Variants in CYP2A7 observed in about 807,000 individuals in gnomAD.
The protein encoded by CYP2A7 is cytochrome P450 2A7.
Under a neutral mutation model 42.0 loss-of-function variants are expected in CYP2A7, and 36 were observed. That is an observed-to-expected ratio of 0.86 (90% CI 0.66 to 1.13). The LOEUF (loss-of-function observed/expected upper bound fraction) is 1.13. CYP2A7 is among the 50% of genes most tolerant of loss of function. The probability of loss-of-function intolerance (pLI) is 0.00; values close to 1 mark genes in which losing one functional copy is unlikely to be tolerated. For missense variants in CYP2A7, 661 were observed against 634.1 expected, an observed-to-expected ratio of 1.04 and a Z score of -0.46; for synonymous variants, 260 against 249.5, an observed-to-expected ratio of 1.04 and a Z score of -0.40.
chr19:40,877,509 A>C (rs1967564407), intron 6 of CYP2A7, 132 bp from the exon 7 acceptor site: 2 of 1,369,458 alleles, frequency 1.5e-6, no homozygotes, highest in South Asian at 1.4e-5. Flanking sequence ...ATAACAGAAC[A>C]GACATCGGCC....
chr19:40,877,374 T>TCA lies in CYP2A7; in HGVS notation c.976_977insTG (p.Lys326MetfsTer10), dbSNP rs1967560064. The TCA allele has an allele frequency of 6.2e-7, 1 of 1,611,244 alleles. No individual in the cohort carries two copies. The highest frequency in any genetic ancestry group is 1.3e-5 in the African/African-American group (1 of 74,764). Reference sequence around the variant, plus strand: ...CACTCTGTCAATCTCCTCATGGACCTTGGCTGGGGGAGGAGGGGGAATGTG... The same window carrying TCA: ...CACTCTGTCAATCTCCTCATGGACCTCATGGCTGGGGGAGGAGGGGGAATGTG... On this transcript the variant is annotated frameshift_variant, in exon 7 of 9. Coordinates refer to ENST00000301146, the MANE Select transcript of CYP2A7 (RefSeq NM_000764.3). LOFTEE classifies it high-confidence loss of function.
Position 40,876,651 on chromosome 19 carries a change from A to G in CYP2A7, c.1179T>C (p.Pro393=), listed in dbSNP as rs191287227. ...FFLPKGTEVF[P]MLGSVLRDPS... The stretch of plus-strand genomic sequence containing the variant: ...GGTCTCTCAGCACGGAGCCCAGCAT[A>G]GGGAACACTTCGGTGCCCTGGTAGG... Residue 393 remains proline, a synonymous_variant, in exon 8 of 9, where the codon CCT becomes CCC. Coordinates refer to ENST00000301146, the MANE Select transcript of CYP2A7 (RefSeq NM_000764.3). 4.3e-6 allele frequency: 7 copies of G among 1,612,650 alleles called. No individual in the cohort carries two copies. The highest frequency in any genetic ancestry group is 1.3e-5 in the African/African-American group (1 of 74,994).
Position 40,875,612 on chromosome 19 carries a change from A to G in CYP2A7, c.*81T>C, listed in dbSNP as rs1060092. 5 of 1,598,136 alleles carry G rather than the reference A, an allele frequency of 3.1e-6. No homozygotes were observed. The highest frequency in any genetic ancestry group is 4.3e-6 in the Non-Finnish European group (5 of 1,170,474). On this transcript the variant is annotated 3_prime_UTR_variant, in exon 9 of 9. Transcript: ENST00000301146. Reference sequence around the variant, plus strand: ...TCCCGCATCTTCCCCCCATTCTTATACCCGCCTCTTCCGCGAACCCCGCCC... The same window carrying G: ...TCCCGCATCTTCCCCCCATTCTTATGCCCGCCTCTTCCGCGAACCCCGCCC...
At chr19:40,877,477 A>G in intron 6 of CYP2A7, 100 bp from the exon 7 acceptor site, 3 of 1,505,456 alleles carry the variant, frequency 2.0e-6, no homozygotes, top group Non-Finnish European at 2.7e-6. Context: ...GGCTCCCCCT[A>G]TGAGACGGAG....
chr19:40,879,709 C>G (rs984669057), intron 4 of CYP2A7, among the ~76,000 whole-genome samples: 1 of 151,412 alleles, frequency 6.6e-6, no homozygotes, highest in Non-Finnish European at 1.5e-5. Flanking sequence ...TTTTGCAGCA[C>G]CAGGTGTTCA....
rs199667803 is a variant in CYP2A7 at position 40,880,615 on chromosome 19, G to T, written c.357C>A (p.Ser119Arg). Residue 119 changes from serine to arginine, a missense_variant, in exon 3 of 9, where the codon AGC (serine) becomes AGA (arginine). Coordinates refer to ENST00000301146, the MANE Select transcript of CYP2A7 (RefSeq NM_000764.3). ...GGAGCTGCTTGGCGCGCTCCCCGTTGCTGAACGCCACGCCTGGGGAGGTCA... is the reference window on the plus strand; with the variant it reads ...GGAGCTGCTTGGCGCGCTCCCCGTTTCTGAACGCCACGCCTGGGGAGGTCA... ...WVFKGYGVAFSNGERAKQLLR... is the reference protein window; with the variant it reads ...WVFKGYGVAFRNGERAKQLLR... 166 of 1,508,438 alleles carry T rather than the reference G, an allele frequency of 1.1e-4. 19 individuals are homozygous for T. The highest frequency in any genetic ancestry group is 1.4e-4 in the Non-Finnish European group (154 of 1,095,510). The allele number at this position is 1,508,438 out of a possible 1,614,324, so 93.4% of individuals were successfully genotyped here. A position where few individuals can be genotyped will look rare whatever the true frequency, so the allele number is the denominator to read the frequency against.
rs1967656778 is a variant in CYP2A7 at position 40,880,811 on chromosome 19, G to GAGAGAGAGAGAA, written c.344-184_344-183insTTCTCTCTCTCT. ...GAGAAACACGAGGGAGAGAGAGAGA[G>GAGAGAGAGAGAA]AGAGAGAGAGAGAGAGAGAGAGAGA... On this transcript the variant is annotated intron_variant, in intron 2 of 8. Coordinates refer to ENST00000301146, the MANE Select transcript of CYP2A7 (RefSeq NM_000764.3). 5.4e-4 allele frequency among the ~76,000 whole-genome samples: 7 copies of GAGAGAGAGAGAA among 13,004 alleles called. 2 individuals are homozygous for GAGAGAGAGAGAA. The highest frequency in any genetic ancestry group is 1.4e-3 in the African/African-American group (7 of 5,062). 8.5% of individuals were successfully genotyped at this position (13,004 alleles called of 152,430 possible). A position where few individuals can be genotyped will look rare whatever the true frequency, so the allele number is the denominator to read the frequency against.
chr19:40,879,203 A>T (rs1015990605), intron 4 of CYP2A7, among the ~76,000 whole-genome samples: 1 of 151,732 alleles, frequency 6.6e-6, no homozygotes, highest in African/African-American at 2.4e-5. Context: ...ATTGGAGCAC[A>T]CATCTAGGTG....
intron 1 of CYP2A7, 69 bp from the exon 2 acceptor site, chr19:40,881,820 G>A (rs186000098): frequency 1.3e-4 from 213 of 1,588,012 alleles, no homozygotes; most frequent in Middle Eastern, 1.3e-3. Context: ...GCACCGAGAT[G>A]TCAAGTACTG....
chr19:40,877,237 G>T lies in CYP2A7; in HGVS notation c.1114C>A (p.Arg372Ser). 6.2e-7 allele frequency: 1 copy of T among 1,612,702 alleles called. No homozygotes were observed. Among genetic ancestry groups the T allele is most frequent in the Non-Finnish European group, 8.5e-7 (1 of 1,179,148 alleles). The change falls in exon 7 of 9, where the codon CGC (arginine) becomes AGC (serine). Residue 372 changes from arginine (R) to serine (S), a missense_variant. Physicochemically the swap from Arg to Ser is moderately radical, Grantham distance 110. Coordinates refer to ENST00000301146, the MANE Select transcript of CYP2A7 (RefSeq NM_000764.3). ...FGDVIPMSLA[R>S]RVKKDTKFRD... ...AACTTGGTGTCCTTTTTAACCCTGC[G>T]GGCCAAACTCATGGGGATCACGTCT...
In CYP2A7 at chr19:40,880,485, T is replaced by G. The variant is rs774265345; in HGVS notation, c.487A>C (p.Thr163Pro). 5 of 1,612,562 alleles carry G rather than the reference T, an allele frequency of 3.1e-6. No homozygotes were observed. In the Admixed American group the frequency reaches 8.4e-5, roughly 27 times the overall value. ...CTCGGGGAACCTTACTCACCGTGCGTGCTCCGGATGGCCTCGATGAGGAAG... is the reference window on the plus strand; with the variant it reads ...CTCGGGGAACCTTACTCACCGTGCGGGCTCCGGATGGCCTCGATGAGGAAG... Reference protein sequence around the residue: ...SGFLIEAIRSTHGANIDPTFF... With the variant: ...SGFLIEAIRSPHGANIDPTFF... Residue 163 changes from threonine to proline, a missense_variant, in exon 3 of 9, where the codon ACG becomes CCG. By Grantham distance (38) the Thr-to-Pro change is conservative. Transcript: ENST00000301146.
At chr19:40,881,502 G>C in intron 2 of CYP2A7, 87 bp downstream of exon 2, 1 of 1,588,084 alleles carries the variant, frequency 6.3e-7, no homozygotes, top group Non-Finnish European at 8.6e-7. Flanking sequence ...ATAGCCTCCA[G>C]TGGGCAGGAG....
intron 8 of CYP2A7, among the ~76,000 whole-genome samples, chr19:40,876,114 T>C (rs955980369): frequency 6.6e-6 from 1 of 151,858 alleles, no homozygotes; most frequent in African/African-American, 2.4e-5. Flanking sequence ...CACTAGGGTT[T>C]ACTCTGTGTT....
rs1312380407 is a variant in CYP2A7, at chr19:40,880,817, G to GAGAA, written c.344-190_344-189insTTCT. 1.1e-3 allele frequency among the ~76,000 whole-genome samples: 51 copies of GAGAA among 47,450 alleles called. 6 individuals carry two copies. The highest frequency in any genetic ancestry group is 3.4e-3 in the African/African-American group (45 of 13,208). The allele number at this position is 47,450 out of a possible 152,430, so 31.1% of individuals were successfully genotyped here. A position where few individuals can be genotyped will look rare whatever the true frequency, so the allele number is the denominator to read the frequency against. On this transcript the variant is annotated intron_variant, in intron 2 of 8. Coordinates refer to ENST00000301146, the MANE Select transcript of CYP2A7 (RefSeq NM_000764.3). ...CACGAGGGAGAGAGAGAGAGAGAGAGAGAGAGAGAGAGAGAGAGAGAGAGA... is the reference window on the plus strand; with the variant it reads ...CACGAGGGAGAGAGAGAGAGAGAGAGAGAAAGAGAGAGAGAGAGAGAGAGAGAGA...
In CYP2A7 at chr19:40,881,411, G is replaced by A. The variant is rs546644039; in HGVS notation, c.343+178C>T. On this transcript the variant is annotated intron_variant, in intron 2 of 8. Transcript: ENST00000301146. ...GGCAGGGAGGAATCACGACAGGGAC[G>A]CTGGAGACAGGTGAGGGATACACAT... Among the ~76,000 whole-genome samples, 30 of 151,692 alleles carry A rather than the reference G, an allele frequency of 2.0e-4. No individual in the cohort carries two copies. In the East Asian group the frequency reaches 4.8e-3, roughly 24 times the overall value.
chr19:40,877,847 C>G lies in CYP2A7; in HGVS notation c.973+5G>C, dbSNP rs544132996. 1 of 1,602,622 alleles carries G rather than the reference C, an allele frequency of 6.2e-7. No individual in the cohort carries two copies. Among genetic ancestry groups the G allele is most frequent in the South Asian group, 1.1e-5 (1 of 90,336 alleles). Reference sequence around the variant, plus strand: ...CCCTCCACTTCCGTCCCCCTCCAGCCTTACCCTCCACCTCTGGGTGCTTCA... The same window carrying G: ...CCCTCCACTTCCGTCCCCCTCCAGCGTTACCCTCCACCTCTGGGTGCTTCA... On this transcript the variant is annotated splice_donor_5th_base_variant and intron_variant, in intron 6 of 8. Coordinates refer to ENST00000301146, the MANE Select transcript of CYP2A7 (RefSeq NM_000764.3).
intron 8 of CYP2A7, 183 bp downstream of exon 8, chr19:40,876,344 T>C: frequency 1.0e-6 from 1 of 987,090 alleles, no homozygotes; most frequent in Non-Finnish European, 1.5e-6. Flanking sequence ...CCTTTCCTTT[T>C]ACCTGGGTGC....
Position 40,876,352 on chromosome 19 carries a change from T to C in CYP2A7, c.1303+175A>G, listed in dbSNP as rs184733361. On this transcript the variant is annotated intron_variant, in intron 8 of 8. Coordinates refer to ENST00000301146, the MANE Select transcript of CYP2A7 (RefSeq NM_000764.3). The stretch of plus-strand genomic sequence containing the variant: ...GATGTTTCCTTTCCTTTTACCTGGG[T>C]GCAGGTACTGGGTGCTTGGTAGTTA... 574 of 1,035,750 alleles carry C rather than the reference T, an allele frequency of 5.5e-4. 5 individuals are homozygous for C. Among genetic ancestry groups the C allele is most frequent in the East Asian group, 5.5e-3 (229 of 41,826 alleles). The allele number at this position is 1,035,750 out of a possible 1,614,324, so 64.2% of individuals were successfully genotyped here.
At chr19:40,879,044 C>G in intron 4 of CYP2A7, 108 bp from the exon 5 acceptor site, 2 of 1,466,484 alleles carry the variant, frequency 1.4e-6, no homozygotes, top group South Asian at 1.3e-5. Flanking sequence ...TTAAAGGCAT[C>G]TGTCTCATTG....
Sources: gnomAD v4.1 joint callset for allele counts (sites outside exome capture counted in the v4.1 genomes callset) on GRCh38, gnomAD v4.1.1 for gene constraint, MANE v1.5 for transcripts, NCBI Gene and HGNC (gene_info 2026-07-23, HGNC 2026-07-21) for gene names.